The following PTOV1 variants were observed in gnomAD, a reference collection of about 807,000 sequenced individuals.
The protein encoded by PTOV1 is PTOV1 extended AT-hook containing adaptor protein, also known as prostate tumor-overexpressed gene 1 protein.
A neutral mutation model predicts 58.0 loss-of-function variants in PTOV1; 20 were observed. The observed-to-expected ratio is 0.34, with a 90% CI of 0.24 to 0.50. The LOEUF (loss-of-function observed/expected upper bound fraction) is 0.50. PTOV1 is among the 20% of genes least tolerant of loss of function. The probability of loss-of-function intolerance (pLI) is 0.98; values close to 1 mark genes in which losing one functional copy is unlikely to be tolerated. For missense variants in PTOV1, 593 were observed against 565.4 expected, an observed-to-expected ratio of 1.05 and a Z score of -0.50; for synonymous variants, 335 against 234.2, an observed-to-expected ratio of 1.43 and a Z score of -3.93.
intron 10 of PTOV1, chr19:49,858,868 C>T: frequency 9.4e-6 from 5 of 529,266 alleles, no homozygotes; most frequent in South Asian, 5.2e-5. Context: ...GCCTGCTCCT[C>T]CTCTGCCACA....
At chr19:49,860,144 C>T (rs893200891) in exon 11 of PTOV1, 1 of 1,614,194 alleles carries the variant, frequency 6.2e-7, no homozygotes. Context: ...AGCAGCAGGT[C>T]CTGCAGCGGA....
chr19:49,855,339 G>T, intron 5 of PTOV1: 1 of 518,384 alleles, frequency 1.9e-6, no homozygotes, highest in Admixed American at 3.2e-5. Flanking sequence ...AGTGCAGGGA[G>T]GGACTGGGGC....
rs759645419 is a variant in PTOV1 at position 49,854,657 on chromosome 19, C to G, written c.315C>G (p.Arg105=). ...CGCCCCTCCTGCCCCCACAGAAGCG[C>G]AGACCCTACTCTGACTCCACTGCAA... Residue 105 remains arginine, a synonymous_variant, in exon 3 of 12, where the codon CGC becomes CGG. Transcript: ENST00000391842. 4.3e-6 allele frequency: 7 copies of G among 1,613,348 alleles called. No homozygotes were observed. The African/African-American group carries it at 9.3e-5, about 22-fold the overall frequency.
chr19:49,859,023 G>A (rs1345411743), intron 10 of PTOV1: 1 of 186,684 alleles, frequency 5.4e-6, no homozygotes, highest in East Asian at 1.3e-4. Context: ...CAAGGTCCCA[G>A]AATATTTGGC....
At chr19:49,857,321 C>T in intron 6 of PTOV1, 191 bp downstream of exon 6, 1 of 792,466 alleles carries the variant, frequency 1.3e-6, no homozygotes, top group South Asian at 1.7e-5. Flanking sequence ...GGCGGCTCTG[C>T]AGGGCTGGAG....
At chr19:49,860,348 C>G in exon 12 of PTOV1, 1 of 1,567,918 alleles carries the variant, frequency 6.4e-7, no homozygotes, top group Non-Finnish European at 8.7e-7. Flanking sequence ...TGAGTGGTGA[C>G]CCTGTCATGT....
chr19:49,860,680 T>A, exon 12 of PTOV1: 1 of 384,068 alleles, frequency 2.6e-6, no homozygotes, highest in Non-Finnish European at 4.7e-6. Flanking sequence ...GATGGTGTCC[T>A]GAGGCCTCCA....
exon 4 of PTOV1, chr19:49,854,876 T>G (rs75478119): frequency 0.34 from 546,717 of 1,611,626 alleles, 94,743 homozygotes; most frequent in South Asian, 0.44. Context: ...AGCTGATCCC[T>G]CAGCAGCTGC....
Position 49,860,192 on chromosome 19 carries a change from G to T in PTOV1, c.1239+9G>T. The T allele has an allele frequency of 6.2e-7, 1 of 1,614,036 alleles. No individual in the cohort carries two copies. The highest frequency in any genetic ancestry group is 1.1e-5 in the South Asian group (1 of 91,072). On this transcript the variant is annotated intron_variant, in intron 11 of 11. Transcript: ENST00000391842. ...AGCAACAGCAACGAGGGGTGAGGTG[G>T]CCGGCCTCCAGGGCTGCTCAGTCTC...
chr19:49,858,360 A>G (rs887951621), intron 9 of PTOV1, 189 bp from the exon 10 acceptor site: 17 of 681,396 alleles, frequency 2.5e-5, no homozygotes, highest in Non-Finnish European at 3.5e-5. Flanking sequence ...GGGGGCTGCC[A>G]AGGGATCTGA....
chr19:49,860,407 C>T, exon 12 of PTOV1: 2 of 1,346,582 alleles, frequency 1.5e-6, no homozygotes, highest in South Asian at 2.8e-5. Context: ...GGGAAAGAAG[C>T]AGGGCGACCT....
At chr19:49,856,861 G>A in intron 5 of PTOV1, 114 bp from the exon 6 acceptor site, 1 of 1,282,518 alleles carries the variant, frequency 7.8e-7, no homozygotes, top group Non-Finnish European at 1.1e-6. Context: ...GACTGTGGGG[G>A]CCTCTGTCCA....
chr19:49,851,056 A>C (rs771978575), upstream of PTOV1: 287 of 1,473,142 alleles, frequency 1.9e-4, 3 homozygotes, highest in Middle Eastern at 0.01. Context: ...CCGAGCCCAC[A>C]CTCCGCTCCC....
exon 3 of PTOV1, chr19:49,854,699 G>T (rs1427863276): frequency 1.2e-6 from 2 of 1,613,244 alleles, no homozygotes; most frequent in Admixed American, 1.7e-5. Context: ...AGCGGACCCT[G>T]CCCTGCCAAG....
At position 49,854,818 on chromosome 19, in the gene PTOV1, C is replaced by G. The variant is rs368120925; in HGVS notation, c.393-13C>G. 8.7e-6 allele frequency: 14 copies of G among 1,613,272 alleles called. No individual in the cohort carries two copies. Among genetic ancestry groups the G allele is most frequent in the Non-Finnish European group, 1.2e-5 (14 of 1,180,008 alleles). ...GATCAGGGCAGCCCTTTCTGACCAGCTCCTTCCCATAGGGAGACCGACCAG... is the reference window on the plus strand; with the variant it reads ...GATCAGGGCAGCCCTTTCTGACCAGGTCCTTCCCATAGGGAGACCGACCAG... On this transcript the variant is annotated splice_polypyrimidine_tract_variant and intron_variant, in intron 3 of 11. Coordinates refer to ENST00000391842, the Ensembl canonical transcript of PTOV1.
chr19:49,853,701 T>C (rs1160088448), intron 1 of PTOV1, among the ~76,000 whole-genome samples: 1 of 152,190 alleles, frequency 6.6e-6, no homozygotes, highest in African/African-American at 2.4e-5. Flanking sequence ...TAGAACTTTC[T>C]CTTGGTGTTC....
exon 11 of PTOV1, chr19:49,859,991 C>T: frequency 6.2e-7 from 1 of 1,614,108 alleles, no homozygotes; most frequent in South Asian, 1.1e-5. Flanking sequence ...GCCAGGCCGG[C>T]TGCGTGCACT....
chr19:49,851,011 A>G (rs1044672960), upstream of PTOV1: 10 of 1,531,036 alleles, frequency 6.5e-6, no homozygotes, highest in African/African-American at 4.1e-5. Flanking sequence ...GCGTCTTCCC[A>G]GGACTCCCCC....
chr19:49,852,604 CT>C (rs1387779529), intron 1 of PTOV1: 1 of 152,242 alleles, frequency 6.6e-6, no homozygotes, highest in African/African-American at 2.4e-5. Context: ...TGATGTGCTG[CT>C]CCTGCTGTGG....
Sources: allele counts gnomAD v4.1 joint callset (sites outside exome capture counted in the v4.1 genomes callset), GRCh38; gene constraint gnomAD v4.1.1; transcripts MANE v1.5; gene names NCBI Gene and HGNC (gene_info 2026-07-23, HGNC 2026-07-21).